SWT1: variants seen among roughly 807,000 people sequenced by gnomAD.
SWT1 encodes the protein SWT1 RNA endoribonuclease homolog.
SWT1 carries 33 observed loss-of-function variants against 107.3 expected under a neutral mutation model. The observed-to-expected ratio is 0.31, with a 90% confidence interval of 0.23 to 0.41. The LOEUF (loss-of-function observed/expected upper bound fraction) is 0.41, where lower values mean the gene tolerates loss of function less well. SWT1 is among the 10% of genes least tolerant of loss of function. SWT1 has a pLI of 1.00. For synonymous variants in SWT1, 345 were observed against 348.3 expected (o/e 0.99, Z 0.11); for missense variants, 898 against 1,028.9 (o/e 0.87, Z 1.74).
chr1:185,204,969 C>T (rs1658213078), intron 12 of SWT1, 106 bp downstream of exon 12: 2 of 608,192 alleles, frequency 3.3e-6, no homozygotes, highest in Non-Finnish European at 5.3e-6. Flanking sequence ...ATTGAATAAT[C>T]TGTATCATGT....
chr1:185,261,465 G>A (rs1208005397), intron 16 of SWT1, among the ~76,000 whole-genome samples: 1 of 152,106 alleles, frequency 6.6e-6, no homozygotes, highest in Non-Finnish European at 1.5e-5. Flanking sequence ...TATGAACATG[G>A]ATGAACAAAT....
chr1:185,172,981 T>G (rs1571410085), intron 4 of SWT1, among the ~76,000 whole-genome samples: 2 of 150,276 alleles, frequency 1.3e-5, no homozygotes, highest in African/African-American at 4.9e-5. Flanking sequence ...GAGGCGGAGG[T>G]TGTGGTGAGC....
intron 9 of SWT1, 23 bp from the exon 10 acceptor site, chr1:185,190,526 T>G: frequency 1.4e-6 from 2 of 1,392,380 alleles, no homozygotes; most frequent in Non-Finnish European, 2.0e-6. Flanking sequence ...ACTTACTGAC[T>G]GTTGCCTTTA....
At chr1:185,269,553 G>C (rs1052998276) in intron 16 of SWT1, among the ~76,000 whole-genome samples, 2 of 152,052 alleles carry the variant, frequency 1.3e-5, no homozygotes, top group Admixed American at 6.6e-5. Context: ...TCTCCCGCAA[G>C]TGTAATAAAG....
At chr1:185,287,475 G>A (rs1291231218) in intron 18 of SWT1, among the ~76,000 whole-genome samples, 1 of 152,174 alleles carries the variant, frequency 6.6e-6, no homozygotes, top group East Asian at 1.9e-4. Flanking sequence ...ATCAGAGGAA[G>A]AAGGGAAAGA....
At chr1:185,278,969 G>A (rs547072679) in intron 18 of SWT1, among the ~76,000 whole-genome samples, 19 of 152,302 alleles carry the variant, frequency 1.2e-4, no homozygotes, top group African/African-American at 3.8e-4. Context: ...GATATCAGAT[G>A]TAGGATTGAT....
rs558642377 is a variant in SWT1 at position 185,180,580 on chromosome 1, A to T, written c.1026+130A>T. The T allele has an allele frequency of 2.1e-4, 146 of 701,766 alleles. 2 individuals carry two copies. Among genetic ancestry groups the T allele is most frequent in the South Asian group, 1.5e-3 (85 of 56,476 alleles). 43.5% of individuals were successfully genotyped at this position (701,766 alleles called of 1,614,324 possible). A position where few individuals can be genotyped will look rare whatever the true frequency, so the allele number is the denominator to read the frequency against. ...CAATGATGTCTCTATTTAAATCAAT[A>T]TGTAAGGTTTTATGAAGTCATCCAA... On this transcript the variant is annotated intron_variant, in intron 6 of 18. Transcript: ENST00000367500.
intron 13 of SWT1, among the ~76,000 whole-genome samples, chr1:185,211,157 A>G (rs1032609962): frequency 7.2e-5 from 11 of 152,180 alleles, no homozygotes; most frequent in African/African-American, 2.4e-4. Flanking sequence ...TCATCAAGCT[A>G]CCATTGACTT....
intron 16 of SWT1, among the ~76,000 whole-genome samples, chr1:185,250,058 C>T (rs1661896203): frequency 6.6e-6 from 1 of 152,210 alleles, no homozygotes; most frequent in Non-Finnish European, 1.5e-5. Flanking sequence ...AACCACAGAT[C>T]TCTTTGAGAT....
In SWT1 at chr1:185,175,228, G is replaced by A. The variant is rs563994271; in HGVS notation, c.966+115G>A. On this transcript the variant is annotated intron_variant, in intron 5 of 18. Transcript: ENST00000367500. ...TTTTTTTTTTTTTTTGTTGTTGTTT[G>A]TTTTTTGTTTTTGAGACAGGGTCTC... 28 of 963,502 alleles carry A rather than the reference G, an allele frequency of 2.9e-5. 1 individual carries two copies. Among genetic ancestry groups the A allele is most frequent in the Non-Finnish European group, 2.8e-5 (20 of 718,776 alleles). The allele number at this position is 963,502 out of a possible 1,614,324, so 59.7% of individuals were successfully genotyped here.
intron 18 of SWT1, among the ~76,000 whole-genome samples, chr1:185,288,722 C>T (rs893210058): frequency 1.3e-5 from 2 of 152,086 alleles, no homozygotes; most frequent in Non-Finnish European, 2.9e-5. Context: ...GTTGGGTGCT[C>T]TTTGTGAACT....
chr1:185,232,758 A>G (rs1249966437), intron 16 of SWT1, among the ~76,000 whole-genome samples: 2 of 152,186 alleles, frequency 1.3e-5, no homozygotes, highest in African/African-American at 4.8e-5. Flanking sequence ...ATTGCATACT[A>G]TACCACCTTC....
chr1:185,177,731 A>C (rs1655685333), intron 5 of SWT1, among the ~76,000 whole-genome samples: 1 of 152,226 alleles, frequency 6.6e-6, no homozygotes, highest in Non-Finnish European at 1.5e-5. Context: ...TCTAAAGGAA[A>C]AATAACTCTT....
At chr1:185,182,468 G>C (rs1558019720) in intron 7 of SWT1, among the ~76,000 whole-genome samples, 1 of 152,032 alleles carries the variant, frequency 6.6e-6, no homozygotes, top group Non-Finnish European at 1.5e-5. Context: ...AGGAGTTCAA[G>C]ACCAGCCTGG....
chr1:185,176,437 A>T, intron 5 of SWT1: 1 of 342,866 alleles, frequency 2.9e-6, no homozygotes, highest in Non-Finnish European at 4.1e-6. Context: ...AGAGGGAGCT[A>T]CATGAGCAGG....
intron 3 of SWT1, among the ~76,000 whole-genome samples, chr1:185,166,904 TTA>T (rs990347931): frequency 6.6e-6 from 1 of 151,936 alleles, no homozygotes; most frequent in African/African-American, 2.4e-5. Context: ...ATATATGGTT[TTA>T]TATATATATA....
intron 14 of SWT1, among the ~76,000 whole-genome samples, chr1:185,219,757 A>G (rs1659496281): frequency 6.6e-6 from 1 of 152,098 alleles, no homozygotes; most frequent in South Asian, 2.1e-4. Context: ...CTATGCTTAG[A>G]TCTTTTCCAT....
intron 1 of SWT1, among the ~76,000 whole-genome samples, chr1:185,158,716 G>T (rs747784631): frequency 1.3e-5 from 2 of 152,110 alleles, no homozygotes; most frequent in African/African-American, 4.8e-5. Context: ...CCTGAAGAAG[G>T]AATCGTCAAT....
chr1:185,204,935 A>G (rs1421614812), intron 12 of SWT1, 72 bp downstream of exon 12: 1 of 898,354 alleles, frequency 1.1e-6, no homozygotes, highest in African/African-American at 1.7e-5. Flanking sequence ...AAGAAATATT[A>G]CTTGTATAAA....
Sources: allele counts gnomAD v4.1 joint callset (sites outside exome capture counted in the v4.1 genomes callset), GRCh38; gene constraint gnomAD v4.1.1; transcripts MANE v1.5; gene names NCBI Gene and HGNC (gene_info 2026-07-23, HGNC 2026-07-21).